The following RBFOX1 variants were observed in gnomAD, a reference collection of about 807,000 sequenced individuals.
RBFOX1 encodes RNA binding protein fox-1 homolog 1.
RBFOX1 carries 8 observed loss-of-function variants against 57.7 expected under a neutral mutation model. The ratio of observed to expected loss-of-function variants is 0.14; its 90% CI spans 0.08 to 0.25. The LOEUF is 0.25. RBFOX1 is among the 10% of genes least tolerant of loss of function. RBFOX1 has a pLI of 1.00. For synonymous variants in RBFOX1, 326 were observed against 222.4 expected, an observed-to-expected ratio of 1.47 and a Z score of -4.15; for missense variants, 611 against 548.5, an observed-to-expected ratio of 1.11 and a Z score of -1.14.
chr16:5,786,967 C>G (rs1384487612), intron 3 of RBFOX1, among the ~76,000 whole-genome samples: 2 of 152,134 alleles, frequency 1.3e-5, no homozygotes, highest in Non-Finnish European at 2.9e-5. Flanking sequence ...GAAACCCCAT[C>G]TCTACTAAAA....
At chr16:5,491,132 G>A (rs1161656079) in intron 2 of RBFOX1, among the ~76,000 whole-genome samples, 3 of 151,848 alleles carry the variant, frequency 2.0e-5, no homozygotes, top group Admixed American at 6.6e-5. Flanking sequence ...GTCTGTCATC[G>A]GCCGAAACAT....
At position 6,019,981 on chromosome 16, in the gene RBFOX1, C is replaced by G. The variant is rs1323764847; in HGVS notation, c.-138C>G. On this transcript the variant is annotated 5_prime_UTR_variant, in exon 1 of 16. Coordinates refer to ENST00000550418, the MANE Select transcript of RBFOX1 (RefSeq NM_018723.4). This position sits in a 1 kb window ranked among gnomAD's most constrained non-coding sequence, Gnocchi z 4.2. ...AGAACGTGACCGCAGCCGGGCTCGC[C>G]GGGAGTTCTAGGTAAGTCCAGGCGG... 2.6e-6 allele frequency: 4 copies of G among 1,529,266 alleles called. No homozygotes were observed. The highest frequency in any genetic ancestry group is 1.4e-5 in the African/African-American group (1 of 72,830). 94.7% of individuals were successfully genotyped at this position (1,529,266 alleles called of 1,614,324 possible).
At chr16:6,794,167 C>T (rs1453751702) in intron 3 of RBFOX1, among the ~76,000 whole-genome samples, 3 of 151,988 alleles carry the variant, frequency 2.0e-5, no homozygotes, top group Non-Finnish European at 2.9e-5. Context: ...TAAGTTCTTC[C>T]CATCACTACC....
chr16:5,292,541 T>G (rs1017955276), intron 1 of RBFOX1, among the ~76,000 whole-genome samples: 8 of 152,192 alleles, frequency 5.3e-5, no homozygotes, highest in African/African-American at 1.9e-4. Flanking sequence ...CCAATGCAAA[T>G]AGGCACTCAT....
chr16:5,303,671 G>A (rs2063860704), intron 1 of RBFOX1, among the ~76,000 whole-genome samples: 1 of 151,954 alleles, frequency 6.6e-6, no homozygotes, highest in African/African-American at 2.4e-5. Flanking sequence ...AAGGAACCAG[G>A]CCTTATAGGT....
chr16:5,786,910 T>C (rs2033622264), intron 3 of RBFOX1, among the ~76,000 whole-genome samples: 1 of 152,082 alleles, frequency 6.6e-6, no homozygotes, highest in Non-Finnish European at 1.5e-5. Context: ...TCAAGGTGGG[T>C]GGGTCACTTG....
intron 2 of RBFOX1, among the ~76,000 whole-genome samples, chr16:6,539,919 A>T (rs974622354): frequency 2.6e-5 from 4 of 152,054 alleles, no homozygotes; most frequent in Non-Finnish European, 5.9e-5. Flanking sequence ...CACCAAGGCA[A>T]GGTAACTTTA....
chr16:6,481,759 G>A (rs911914501), intron 2 of RBFOX1, among the ~76,000 whole-genome samples: 2 of 152,140 alleles, frequency 1.3e-5, no homozygotes, highest in African/African-American at 4.8e-5. Flanking sequence ...TCATTATTGT[G>A]AAATAAGGTT....
chr16:6,334,931 T>G (rs1466782340), intron 2 of RBFOX1, among the ~76,000 whole-genome samples: 3 of 152,200 alleles, frequency 2.0e-5, no homozygotes, highest in Non-Finnish European at 4.4e-5. Context: ...GAATGCATTT[T>G]AAGATGACCT....
At chr16:6,742,062 T>G (rs78129318) in intron 3 of RBFOX1, among the ~76,000 whole-genome samples, 3,501 of 152,306 alleles carry the variant, frequency 0.023, 143 homozygotes, top group African/African-American at 0.08. Flanking sequence ...CATTCTACAG[T>G]GTATACATTT....
At chr16:6,826,678 C>G (rs1255618098) in intron 3 of RBFOX1, among the ~76,000 whole-genome samples, 2 of 152,026 alleles carry the variant, frequency 1.3e-5, no homozygotes, top group African/African-American at 4.8e-5. Context: ...AGCCTAAGAG[C>G]TCAGGAGAGA....
chr16:6,724,958 G>A (rs998507257), intron 3 of RBFOX1, among the ~76,000 whole-genome samples: 2 of 151,694 alleles, frequency 1.3e-5, no homozygotes, highest in African/African-American at 4.8e-5. Context: ...GTGTCTTTTG[G>A]CATGCAAATG....
At chr16:6,812,988 CTT>C (rs976638093) in intron 3 of RBFOX1, among the ~76,000 whole-genome samples, 9 of 151,948 alleles carry the variant, frequency 5.9e-5, no homozygotes, top group Non-Finnish European at 1.5e-5. Flanking sequence ...CTACTTCTCT[CTT>C]TTTTGTTAGA....
At chr16:7,203,487 A>T (rs960781386) in intron 4 of RBFOX1, among the ~76,000 whole-genome samples, 1 of 152,226 alleles carries the variant, frequency 6.6e-6, no homozygotes, top group Non-Finnish European at 1.5e-5. Flanking sequence ...CAATATAAAT[A>T]TACTTAATGC....
chr16:7,000,562 A>T (rs2092687771), intron 3 of RBFOX1, among the ~76,000 whole-genome samples: 1 of 146,764 alleles, frequency 6.8e-6, no homozygotes, highest in East Asian at 2.0e-4. Flanking sequence ...AACACATAAT[A>T]AGTTTTCTTT....
At position 6,635,977 on chromosome 16, in the gene RBFOX1, T is replaced by C. The variant is rs549509268; in HGVS notation, c.-63-18626T>C. ...ACCCAAGTTGAGAACCGTCATTGCCTTATGCTTTATATGCACATCATACAC... is the reference window on the plus strand; with the variant it reads ...ACCCAAGTTGAGAACCGTCATTGCCCTATGCTTTATATGCACATCATACAC... On this transcript the variant is annotated intron_variant, in intron 2 of 15. Coordinates refer to ENST00000550418, the MANE Select transcript of RBFOX1 (RefSeq NM_018723.4). 3.9e-5 allele frequency among the ~76,000 whole-genome samples: 6 copies of C among 152,306 alleles called. No individual in the cohort carries two copies. The South Asian group carries it at 1.0e-3, about 26-fold the overall frequency.
intron 3 of RBFOX1, among the ~76,000 whole-genome samples, chr16:7,034,251 G>T (rs796950586): frequency 1.3e-5 from 2 of 152,124 alleles, no homozygotes; most frequent in East Asian, 1.9e-4. Context: ...GCTCTCATCT[G>T]TTCAAGGGGA....
chr16:5,886,701 A>C (rs2057907533), intron 4 of RBFOX1, among the ~76,000 whole-genome samples: 1 of 152,186 alleles, frequency 6.6e-6, no homozygotes, highest in African/African-American at 2.4e-5. Context: ...CAGCCTGGCC[A>C]ATATGGGGAA....
chr16:6,215,984 A>C (rs1390034605), intron 1 of RBFOX1, among the ~76,000 whole-genome samples: 2 of 152,198 alleles, frequency 1.3e-5, no homozygotes, highest in East Asian at 3.8e-4. Flanking sequence ...TTGCAGGGAC[A>C]TGGATGGAGC....
Sources: allele counts gnomAD v4.1 joint callset (sites outside exome capture counted in the v4.1 genomes callset), GRCh38; gene constraint gnomAD v4.1.1; non-coding constraint Gnocchi (gnomAD v3.1); transcripts MANE v1.5; gene names NCBI Gene and HGNC (gene_info 2026-07-23, HGNC 2026-07-21).